Variants in MRPS5 observed in about 807,000 individuals in gnomAD.
MRPS5 encodes the protein small ribosomal subunit protein uS5m.
MRPS5 carries 27 observed loss-of-function variants against 51.9 expected under a neutral mutation model. The observed-to-expected ratio is 0.52, with a 90% CI of 0.38 to 0.72. The LOEUF is 0.72. MRPS5 is among the 30% of genes least tolerant of loss of function. The probability of loss-of-function intolerance (pLI) is 0.00; values close to 1 mark genes in which losing one functional copy is unlikely to be tolerated. For synonymous variants in MRPS5, 196 were observed against 193.2 expected (o/e 1.01, Z -0.12); for missense variants, 570 against 545.7 (o/e 1.04, Z -0.44).
At chr2:95,103,420 T>G (rs956391228) in intron 7 of MRPS5, among the ~76,000 whole-genome samples, 4 of 152,218 alleles carry the variant, frequency 2.6e-5, no homozygotes, top group Admixed American at 6.5e-5. Context: ...CAGATCATAC[T>G]GACAATCAGT....
At chr2:95,100,077 G>C (rs1253362782) in intron 10 of MRPS5, among the ~76,000 whole-genome samples, 1 of 152,080 alleles carries the variant, frequency 6.6e-6, no homozygotes, top group East Asian at 1.9e-4. Context: ...ATAGCACCCA[G>C]CTCACAGAAG....
intron 11 of MRPS5, among the ~76,000 whole-genome samples, chr2:95,089,974 G>A (rs1286023039): frequency 4.6e-5 from 7 of 151,552 alleles, no homozygotes; most frequent in East Asian, 1.9e-4. Flanking sequence ...TCAGGAGATC[G>A]AGACCATCCC....
At position 95,121,694 on chromosome 2, in the gene MRPS5, G is replaced by A. The variant is rs1196839288; in HGVS notation, c.58+40C>T. 11 of 1,523,198 alleles carry A rather than the reference G, an allele frequency of 7.2e-6. No homozygotes were observed. In the African/African-American group the frequency reaches 9.9e-5, roughly 14 times the overall value. 94.4% of individuals were successfully genotyped at this position (1,523,198 alleles called of 1,614,324 possible). ...GCCCCAGGCGAGCCCCCCACTCCCG[G>A]CCCGCTCAGAGCCCCTGCTCCCGGC... is the stretch of plus-strand genomic sequence containing the variant. On this transcript the variant is annotated intron_variant, in intron 1 of 11. Coordinates refer to ENST00000272418, the MANE Select transcript of MRPS5 (RefSeq NM_031902.5).
At chr2:95,106,273 G>T (rs970973555) in intron 6 of MRPS5, 150 bp downstream of exon 6, 6 of 698,484 alleles carry the variant, frequency 8.6e-6, no homozygotes, top group Non-Finnish European at 1.5e-5. Context: ...TGAAATTAAA[G>T]TTGCACAATT....
At chr2:95,102,401 C>T (rs1276765067) in intron 7 of MRPS5, among the ~76,000 whole-genome samples, 3 of 152,160 alleles carry the variant, frequency 2.0e-5, no homozygotes, top group Admixed American at 6.5e-5. Flanking sequence ...CAGTGGCTCA[C>T]GCCTATAATC....
At chr2:95,111,027 G>A (rs1013531604) in intron 3 of MRPS5, among the ~76,000 whole-genome samples, 2 of 152,130 alleles carry the variant, frequency 1.3e-5, no homozygotes, top group Admixed American at 1.3e-4. Flanking sequence ...AACACGAAAA[G>A]AGAAAAATGT....
At chr2:95,120,166 T>C (rs1676400038) in intron 1 of MRPS5, among the ~76,000 whole-genome samples, 1 of 152,318 alleles carries the variant, frequency 6.6e-6, no homozygotes, top group Non-Finnish European at 1.5e-5. Flanking sequence ...CAAATGTTTC[T>C]AGCAAAATAG....
chr2:95,111,304 A>C (rs1573346578), intron 3 of MRPS5, among the ~76,000 whole-genome samples: 1 of 152,346 alleles, frequency 6.6e-6, no homozygotes, highest in East Asian at 1.9e-4. Flanking sequence ...TTTCTCTCTA[A>C]GTGCTAAAAA....
chr2:95,115,173 G>T lies in MRPS5; in HGVS notation c.170C>A (p.Thr57Asn). ...ACGGCTCAAGCTGGCGTAGGGATGG[G>T]TGTCTCTGGTTCCCAGTGATGACAA... is the stretch of plus-strand genomic sequence containing the variant. Reference protein sequence around the residue: ...GHLSSLGTRDTHPYASLSRAL... With the variant: ...GHLSSLGTRDNHPYASLSRAL... Residue 57 changes from threonine (T) to asparagine (N), a missense_variant, in exon 3 of 12, where the codon ACC becomes AAC. Thr to Asn is a moderately conservative substitution (Grantham distance 65). Coordinates refer to ENST00000272418, the MANE Select transcript of MRPS5 (RefSeq NM_031902.5). 5 of 1,607,346 alleles carry T rather than the reference G, an allele frequency of 3.1e-6. No homozygotes were observed. The highest frequency in any genetic ancestry group is 4.2e-6 in the Non-Finnish European group (5 of 1,178,464).
chr2:95,119,274 G>C (rs1437396147), intron 1 of MRPS5, among the ~76,000 whole-genome samples: 2 of 152,114 alleles, frequency 1.3e-5, no homozygotes, highest in Admixed American at 6.5e-5. Context: ...TCTTATTCAT[G>C]AGGGAAATGC....
Position 95,108,353 on chromosome 2 carries a change from T to C in MRPS5, c.459A>G (p.Ala153=), listed in dbSNP as rs1156825978. 5.0e-6 allele frequency: 8 copies of C among 1,614,044 alleles called. No homozygotes were observed. Among genetic ancestry groups the C allele is most frequent in the Non-Finnish European group, 6.8e-6 (8 of 1,180,006 alleles). ...GLNVPLMKNG[A]VQTIAQRSKE... ...TGCTTCTTTGGGCAATGGTCTGCAC[T>C]GCTCCATTTTTCATAAGAGGGACAT... Residue 153 remains alanine, a synonymous_variant, in exon 5 of 12, where the codon GCA becomes GCG. Transcript: ENST00000272418.
At chr2:95,088,886 G>A (rs1235994249) in intron 11 of MRPS5, among the ~76,000 whole-genome samples, 1 of 152,176 alleles carries the variant, frequency 6.6e-6, no homozygotes, top group African/African-American at 2.4e-5. Flanking sequence ...GACCAACATG[G>A]TGAAACCCCA....
chr2:95,094,484 G>C (rs539729439), intron 10 of MRPS5, among the ~76,000 whole-genome samples: 1 of 152,234 alleles, frequency 6.6e-6, no homozygotes, highest in Non-Finnish European at 1.5e-5. Flanking sequence ...CAGCCAGAGA[G>C]AAAGGTCGGG....
intron 2 of MRPS5, among the ~76,000 whole-genome samples, chr2:95,117,630 T>A (rs1452462001): frequency 4.0e-5 from 6 of 151,182 alleles, no homozygotes; most frequent in Admixed American, 3.9e-4. Flanking sequence ...TACTATTTCA[T>A]AAAGCCTTGA....
chr2:95,117,937 A>C lies in MRPS5; in HGVS notation c.67T>G (p.Leu23Val), dbSNP rs753369439. Residue 23 changes from leucine to valine, a missense_variant, in exon 2 of 12, where the codon TTG (leucine) becomes GTG (valine). Leu to Val is a conservative substitution (Grantham distance 32). Coordinates refer to ENST00000272418, the MANE Select transcript of MRPS5 (RefSeq NM_031902.5). ...VLCSGTAGHLLGRQCSLNTLP... is the reference protein window; with the variant it reads ...VLCSGTAGHLVGRQCSLNTLP... ...GTGTTTAGGGAACACTGCCTCCCCA[A>C]TAAATGACCTGCAAATTGGAAAAAA... 7.5e-6 allele frequency: 12 copies of C among 1,595,284 alleles called. No individual in the cohort carries two copies. The highest frequency in any genetic ancestry group is 9.4e-6 in the Non-Finnish European group (11 of 1,175,810).
In MRPS5 at chr2:95,104,662, C is replaced by T; in HGVS notation, c.741G>A (p.Val247=). The T allele has an allele frequency of 6.2e-7, 1 of 1,614,216 alleles. No homozygotes were observed. Among genetic ancestry groups the T allele is most frequent in the Non-Finnish European group, 8.5e-7 (1 of 1,180,020 alleles). Residue 247 remains valine, a synonymous_variant, in exon 7 of 12, where the codon GTG becomes GTA. Transcript: ENST00000272418. ...RKKSIRVLVA[V]GNGKGAAGFS... is the part of the protein sequence containing the mutation. ...CACCTGCAGCTCCTTTTCCGTTCCC[C>T]ACAGCCACCAAGACACGGATCGATT...
rs140403387 is a variant in MRPS5, at chr2:95,090,292, A to T, written c.1068+94T>A. The T allele has an allele frequency of 8.9e-4, 1,206 of 1,352,904 alleles. 10 individuals are homozygous for T. In the African/African-American group the frequency reaches 0.016, roughly 18 times the overall value. The allele number at this position is 1,352,904 out of a possible 1,614,324, so 83.8% of individuals were successfully genotyped here. On this transcript the variant is annotated intron_variant, in intron 11 of 11. Coordinates refer to ENST00000272418, the MANE Select transcript of MRPS5 (RefSeq NM_031902.5). ...CCAACTCCTCAGGTGGCCCCAGGAA[A>T]GCATCTCCAGGAGGCCCCAGGGCAT...
At chr2:95,087,675 G>T in intron 11 of MRPS5, 94 bp from the exon 12 acceptor site, 1 of 1,090,150 alleles carries the variant, frequency 9.2e-7, no homozygotes, top group Non-Finnish European at 1.3e-6. Flanking sequence ...TACAGCCTGG[G>T]GGTATTCAAA....
At chr2:95,113,960 A>C (rs552050115) in intron 3 of MRPS5, among the ~76,000 whole-genome samples, 2 of 151,700 alleles carry the variant, frequency 1.3e-5, no homozygotes, top group East Asian at 4.0e-4. Flanking sequence ...TCTCTACTAA[A>C]AATACAAGTA....
Sources: gnomAD v4.1 joint callset for allele counts (sites outside exome capture counted in the v4.1 genomes callset) on GRCh38, gnomAD v4.1.1 for gene constraint, MANE v1.5 for transcripts, NCBI Gene and HGNC (gene_info 2026-07-23, HGNC 2026-07-21) for gene names.